Variants in ZNF544 observed in about 807,000 individuals in gnomAD.
ZNF544 encodes the protein zinc finger protein AF020591.
Under a neutral mutation model 13.5 loss-of-function variants are expected in ZNF544, and 10 were observed. The observed-to-expected ratio is 0.74, with a 90% confidence interval of 0.46 to 1.25. ZNF544 has a LOEUF of 1.25. Ranked by LOEUF, ZNF544 falls within the 50% of genes most tolerant of loss-of-function variation. The probability of loss-of-function intolerance (pLI) is 0.00; values close to 1 mark genes in which losing one functional copy is unlikely to be tolerated. For synonymous variants in ZNF544, 323 were observed against 300.5 expected (o/e 1.07, Z -0.77); for missense variants, 896 against 845.6 (o/e 1.06, Z -0.74).
intron 6 of ZNF544, chr19:58,258,834 G>A (rs2147585299): frequency 6.6e-6 from 1 of 152,294 alleles, no homozygotes. Context: ...GTTGACCGTG[G>A]TGGCCATGCA....
downstream of ZNF544, among the ~76,000 whole-genome samples, chr19:58,266,002 C>T (rs550529747): frequency 1.3e-5 from 2 of 151,568 alleles, no homozygotes; most frequent in African/African-American, 2.4e-5. Flanking sequence ...GTTAGGAGTT[C>T]GAGACCAGCC....
At chr19:58,243,594 CCTT>C (rs1291983033) in intron 3 of ZNF544, among the ~76,000 whole-genome samples, 1 of 151,976 alleles carries the variant, frequency 6.6e-6, no homozygotes, top group African/African-American at 2.4e-5. Flanking sequence ...GTCACATCCT[CCTT>C]GTCCCCACAC....
In ZNF544 at chr19:58,246,694, T is replaced by C; in HGVS notation, c.161-17T>C. On this transcript the variant is annotated splice_polypyrimidine_tract_variant and intron_variant, in intron 5 of 6. Transcript: ENST00000687789. ...TGTCCAAGCAGAGGGGCAAGTCCTT[T>C]TTCCGTCTTTGACCAGGGCTTTTCC... The C allele has an allele frequency of 6.2e-7, 1 of 1,613,634 alleles. No homozygotes were observed. The highest frequency in any genetic ancestry group is 8.5e-7 in the Non-Finnish European group (1 of 1,179,816).
rs1568460699 is a variant in ZNF544 at position 58,241,162 on chromosome 19, A to AT, written c.-59-2803_-59-2802insT. 8.3e-4 allele frequency among the ~76,000 whole-genome samples: 74 copies of AT among 89,200 alleles called. 5 individuals carry two copies. Among genetic ancestry groups the AT allele is most frequent in the East Asian group, 3.7e-3 (9 of 2,406 alleles). 58.5% of individuals were successfully genotyped at this position (89,200 alleles called of 152,430 possible). Reference sequence around the variant, plus strand: ...AATTTAAAATATATATATATATTTAAATATATATATATATATATTTTTTTT... The same window carrying AT: ...AATTTAAAATATATATATATATTTAATATATATATATATATATATTTTTTTT... On this transcript the variant is annotated intron_variant, in intron 3 of 6. Coordinates refer to ENST00000687789, the MANE Select transcript of ZNF544 (RefSeq NM_014480.4).
chr19:58,261,623 A>G lies in ZNF544; in HGVS notation c.1017A>G (p.Ser339=). 1 of 1,614,218 alleles carries G rather than the reference A, an allele frequency of 6.2e-7. No individual in the cohort carries two copies. ...EERCAAFPMA[S]SFSDCNIIQT... is the part of the protein sequence containing the mutation. Reference sequence around the variant, plus strand: ...GCTGTGCTGCCTTCCCCATGGCCTCATCTTTTTCTGACTGTAACATCATTC... The same window carrying G: ...GCTGTGCTGCCTTCCCCATGGCCTCGTCTTTTTCTGACTGTAACATCATTC... The change falls in exon 7 of 7, where the codon TCA becomes TCG. Residue 339 remains serine (S), a synonymous_variant. Transcript: ENST00000687789.
intron 6 of ZNF544, among the ~76,000 whole-genome samples, chr19:58,256,766 G>A (rs1301940288): frequency 6.7e-6 from 1 of 150,342 alleles, no homozygotes; most frequent in Non-Finnish European, 1.5e-5. Flanking sequence ...AACTCCTTAG[G>A]AAAGGGGGTT....
At chr19:58,230,723 AG>A (rs1485353607) in intron 3 of ZNF544, among the ~76,000 whole-genome samples, 1 of 152,018 alleles carries the variant, frequency 6.6e-6, no homozygotes, top group Non-Finnish European at 1.5e-5. Context: ...CAAGATGAGG[AG>A]GGGGAAACTG....
At position 58,262,442 on chromosome 19, in the gene ZNF544, C is replaced by A. The variant is rs567342820; in HGVS notation, c.1836C>A (p.Ala612=). 1.9e-6 allele frequency: 3 copies of A among 1,614,192 alleles called. No individual in the cohort carries two copies. In the South Asian group the frequency reaches 3.3e-5, roughly 18 times the overall value. The change falls in exon 7 of 7, where the codon GCC becomes GCA. Residue 612 remains alanine (A), a synonymous_variant. Coordinates refer to ENST00000687789, the MANE Select transcript of ZNF544 (RefSeq NM_014480.4). ...KPYECNECGK[A]FNRSTQLIRH... is the part of the protein sequence containing the mutation. ...ATGAATGTAACGAGTGTGGAAAAGC[C>A]TTCAATCGAAGCACTCAGCTCATCA...
chr19:58,259,905 T>C (rs1367264259), intron 6 of ZNF544: 1 of 152,082 alleles, frequency 6.6e-6, no homozygotes, highest in Non-Finnish European at 1.5e-5. Flanking sequence ...AGAGCCAGGC[T>C]CTGTCTCAAA....
Position 58,261,523 on chromosome 19 carries a change from CCTGTT to C in ZNF544, c.921_925del (p.Cys307Ter). 1 of 1,614,140 alleles carries C rather than the reference CCTGTT, an allele frequency of 6.2e-7. No individual in the cohort carries two copies. The highest frequency in any genetic ancestry group is 8.5e-7 in the Non-Finnish European group (1 of 1,180,032). On this transcript the variant is annotated frameshift_variant, in exon 7 of 7. Transcript: ENST00000687789. LOFTEE classifies it low-confidence loss of function (END_TRUNC). ...TATGAGTGTGATGAGTGCAGGGAAA[CCTGTT>C]CTGAGAGTCTGTGCCTTGTACAAAC...
downstream of ZNF544, among the ~76,000 whole-genome samples, chr19:58,266,167 T>C (rs1181526119): frequency 3.1e-5 from 4 of 128,468 alleles, no homozygotes; most frequent in Non-Finnish European, 4.8e-5. Context: ...GACTGCGCCG[T>C]TGAACTCCAG....
chr19:58,242,309 G>A (rs900854966), intron 3 of ZNF544: 100 of 982,892 alleles, frequency 1.0e-4, no homozygotes, highest in Non-Finnish European at 1.2e-4. Context: ...GAAGGGAAAG[G>A]TGAGAACTGC....
intron 6 of ZNF544, 169 bp from the exon 7 acceptor site, chr19:58,260,682 C>A (rs2048723218): frequency 1.6e-5 from 10 of 617,460 alleles, no homozygotes; most frequent in Non-Finnish European, 1.6e-5. Context: ...ACCACTGATA[C>A]CATGTTTGCT....
rs535871746 is a variant in ZNF544, at chr19:58,242,359, T to G, written c.-59-1606T>G. 1.3e-4 allele frequency: 109 copies of G among 862,138 alleles called. No individual in the cohort carries two copies. In the African/African-American group the frequency reaches 2.0e-3, roughly 16 times the overall value. 53.4% of individuals were successfully genotyped at this position (862,138 alleles called of 1,614,324 possible). On this transcript the variant is annotated intron_variant, in intron 3 of 6. Coordinates refer to ENST00000687789, the MANE Select transcript of ZNF544 (RefSeq NM_014480.4). The stretch of plus-strand genomic sequence containing the variant: ...ACAGAGAAAGCAAGATTTCTGCAAT[T>G]CATGGCTTGATACTTGATATTCCAG...
At chr19:58,241,857 C>T (rs918322923) in intron 3 of ZNF544, among the ~76,000 whole-genome samples, 9 of 152,070 alleles carry the variant, frequency 5.9e-5, no homozygotes, top group African/African-American at 1.4e-4. Flanking sequence ...GCACTGAGGT[C>T]GCATGCAGTT....
At chr19:58,266,940 G>A (rs1309160858), downstream of ZNF544, 2 of 152,246 alleles carry the variant, frequency 1.3e-5, no homozygotes, top group African/African-American at 4.8e-5. Context: ...TGTCTGTGGA[G>A]CTTCCTGTCT....
intron 3 of ZNF544, among the ~76,000 whole-genome samples, chr19:58,241,312 C>T (rs896781617): frequency 4.7e-5 from 7 of 149,212 alleles, no homozygotes; most frequent in Non-Finnish European, 8.9e-5. Context: ...GTGCCTGGCC[C>T]ACTTTGTTCT....
At chr19:58,248,567 T>C (rs1405021051) in intron 6 of ZNF544, among the ~76,000 whole-genome samples, 1 of 152,120 alleles carries the variant, frequency 6.6e-6, no homozygotes, top group Non-Finnish European at 1.5e-5. Flanking sequence ...TTCTGTGCAT[T>C]TGGACAAATG....
rs1278247668 is a variant in ZNF544 at position 58,261,007 on chromosome 19, A to G, written c.401A>G (p.Glu134Gly). ...CAAGATCAGAGCAACCAGTTAAGGG[A>G]ACACCAGGAGAACTCCTTGAGGTTC... ...KVQDQSNQLR[E>G]HQENSLRFMV... Residue 134 changes from glutamate to glycine, a missense_variant, in exon 7 of 7, where the codon GAA becomes GGA. Glu to Gly is a moderately conservative substitution (Grantham distance 98). Transcript: ENST00000687789. The G allele has an allele frequency of 6.2e-7, 1 of 1,614,202 alleles. No homozygotes were observed. Among genetic ancestry groups the G allele is most frequent in the Admixed American group, 1.7e-5 (1 of 60,018 alleles).
Sources: allele counts gnomAD v4.1 joint callset (sites outside exome capture counted in the v4.1 genomes callset), GRCh38; gene constraint gnomAD v4.1.1; transcripts MANE v1.5; gene names NCBI Gene and HGNC (gene_info 2026-07-23, HGNC 2026-07-21).